The following EYS variants were observed in gnomAD, a reference collection of about 807,000 sequenced individuals.
The protein encoded by EYS is protein eyes shut homolog.
EYS carries 250 observed loss-of-function variants against 282.1 expected under a neutral mutation model. The ratio of observed to expected loss-of-function variants is 0.89; its 90% CI spans 0.80 to 0.98. The LOEUF is 0.98. Among genes scored for constraint, EYS ranks in the 50% least tolerant of loss-of-function variants. The probability of loss-of-function intolerance (pLI) is 0.00; values close to 1 mark genes in which losing one functional copy is unlikely to be tolerated. For synonymous variants in EYS, 1,355 were observed against 1,282.9 expected, an observed-to-expected ratio of 1.06 and a Z score of -1.20; for missense variants, 4,016 against 3,709.0, an observed-to-expected ratio of 1.08 and a Z score of -2.15.
chr6:65,498,996 C>G (rs74597995), intron 2 of EYS, among the ~76,000 whole-genome samples: 1,628 of 152,006 alleles, frequency 0.011, 27 homozygotes, highest in African/African-American at 0.037. Flanking sequence ...AAACCCAGAA[C>G]TACGATGGAG....
intron 12 of EYS, among the ~76,000 whole-genome samples, chr6:65,074,796 A>T (rs1218255321): frequency 6.6e-6 from 1 of 152,012 alleles, no homozygotes; most frequent in African/African-American, 2.4e-5. Flanking sequence ...AGGTAAAGAC[A>T]GGCCTCTGTT....
chr6:64,634,181 C>T (rs1767889146), intron 22 of EYS, among the ~76,000 whole-genome samples: 2 of 152,116 alleles, frequency 1.3e-5, no homozygotes, highest in Non-Finnish European at 1.5e-5. Context: ...ACAGGGTTTA[C>T]CCATGTTGGC....
intron 2 of EYS, among the ~76,000 whole-genome samples, chr6:65,521,026 A>G (rs561433934): frequency 6.6e-6 from 1 of 152,184 alleles, no homozygotes; most frequent in Non-Finnish European, 1.5e-5. Flanking sequence ...TGCTGTTTGC[A>G]AGGTTGACAC....
chr6:63,850,410 T>C (rs930184318), intron 36 of EYS, among the ~76,000 whole-genome samples: 2 of 151,104 alleles, frequency 1.3e-5, no homozygotes, highest in African/African-American at 4.9e-5. Context: ...GGAAAAAAAA[T>C]GTTAAGGGCA....
intron 31 of EYS, among the ~76,000 whole-genome samples, chr6:64,224,269 GC>G (rs1277021114): frequency 6.6e-6 from 1 of 151,604 alleles, no homozygotes; most frequent in Non-Finnish European, 1.5e-5. Flanking sequence ...CTATTTTTTG[GC>G]CTGTTGTAAT....
chr6:65,501,584 C>T (rs900574098), intron 2 of EYS, among the ~76,000 whole-genome samples: 1 of 151,768 alleles, frequency 6.6e-6, no homozygotes, highest in African/African-American at 2.4e-5. Context: ...AAGAATGACA[C>T]TTGGTAACTC....
chr6:64,373,401 G>A (rs1468081969), intron 29 of EYS, among the ~76,000 whole-genome samples: 1 of 152,168 alleles, frequency 6.6e-6, no homozygotes, highest in Non-Finnish European at 1.5e-5. Context: ...CTTCAGGCAG[G>A]GGCTGCTGTT....
At chr6:64,686,765 GTGTATA>G (rs1238869000) in intron 22 of EYS, among the ~76,000 whole-genome samples, 1 of 12,946 alleles carries the variant, frequency 7.7e-5, no homozygotes, top group Non-Finnish European at 3.1e-4. Context: ...ATATATATGT[GTGTATA>G]TATATATATA....
chr6:64,371,152 A>T (rs1197621327), intron 29 of EYS, among the ~76,000 whole-genome samples: 1 of 152,070 alleles, frequency 6.6e-6, no homozygotes, highest in Non-Finnish European at 1.5e-5. Context: ...GTAAGTGTTT[A>T]GTGCTATAAG....
Position 65,639,795 on chromosome 6 carries a change from C to T in EYS, c.-350G>A, listed in dbSNP as rs886061687. On this transcript the variant is annotated 5_prime_UTR_variant, in exon 2 of 43. Coordinates refer to ENST00000503581, the MANE Select transcript of EYS (RefSeq NM_001142800.2). ...ATCCTTACCTCAAGTACACAGGTTC[C>T]GTTGCTGTTTGAGATCAGTGTTTTA... is the stretch of plus-strand genomic sequence containing the variant. 9.2e-5 allele frequency: 14 copies of T among 152,030 alleles called. No individual in the cohort carries two copies. Among genetic ancestry groups the T allele is most frequent in the Non-Finnish European group, 1.9e-4 (13 of 67,996 alleles). The allele number at this position is 152,030 out of a possible 1,614,324, so 9.4% of individuals were successfully genotyped here.
chr6:64,483,975 T>G (rs2150501297), intron 26 of EYS, among the ~76,000 whole-genome samples: 1 of 151,748 alleles, frequency 6.6e-6, no homozygotes, highest in Admixed American at 6.6e-5. Flanking sequence ...CTTTTGTAGG[T>G]GGGCATTAAG....
chr6:65,029,708 G>A (rs1200677836), intron 13 of EYS, among the ~76,000 whole-genome samples: 2 of 152,104 alleles, frequency 1.3e-5, no homozygotes, highest in African/African-American at 2.4e-5. Context: ...CCTACTAAAT[G>A]CAGATAGGAA....
intron 12 of EYS, among the ~76,000 whole-genome samples, chr6:65,092,996 T>C (rs1774620317): frequency 6.6e-6 from 1 of 152,104 alleles, no homozygotes; most frequent in Admixed American, 6.6e-5. Flanking sequence ...CATTGATGCA[T>C]TATCATCAAA....
chr6:65,205,121 A>C (rs1251199384), intron 12 of EYS, among the ~76,000 whole-genome samples: 1 of 148,066 alleles, frequency 6.8e-6, no homozygotes, highest in African/African-American at 2.5e-5. Flanking sequence ...ATATATATAT[A>C]TCTATCTCCA....
Position 64,452,928 on chromosome 6 carries a change from C to T in EYS, c.5645-13576G>A, listed in dbSNP as rs566489061. Among the ~76,000 whole-genome samples, 9 of 152,228 alleles carry T rather than the reference C, an allele frequency of 5.9e-5. No homozygotes were observed. The South Asian group carries it at 1.7e-3, about 28-fold the overall frequency. On this transcript the variant is annotated intron_variant, in intron 26 of 42. Coordinates refer to ENST00000503581, the MANE Select transcript of EYS (RefSeq NM_001142800.2). ...ACCCTATAAGAAAACCTAGGCAATA[C>T]CATTCAGGACATAGGCATGGGCAAG...
intron 34 of EYS, among the ~76,000 whole-genome samples, chr6:63,986,371 T>G (rs922354205): frequency 6.6e-6 from 1 of 151,816 alleles, no homozygotes; most frequent in Non-Finnish European, 1.5e-5. Context: ...TGGTGATTCC[T>G]CAAAGAGCTA....
chr6:64,742,047 A>G (rs1473602109), intron 22 of EYS, among the ~76,000 whole-genome samples: 1 of 152,078 alleles, frequency 6.6e-6, no homozygotes, highest in Non-Finnish European at 1.5e-5. Flanking sequence ...GCCTGTCTTG[A>G]CTTTCCATAT....
rs990096748 is a variant in EYS, at chr6:64,504,976, T to C, written c.5645-65624A>G. Among the ~76,000 whole-genome samples the C allele has an allele frequency of 4.6e-5, 7 of 152,204 alleles. No homozygotes were observed. In the East Asian group the frequency reaches 9.7e-4, roughly 21 times the overall value. On this transcript the variant is annotated intron_variant, in intron 26 of 42. Transcript: ENST00000503581. ...TGGTCAGATTTATGAGATGAACTGT[T>C]TGTGAATTTTATAATGGAATAGACT...
intron 11 of EYS, among the ~76,000 whole-genome samples, chr6:65,333,625 G>T (rs544127954): frequency 6.6e-6 from 1 of 151,498 alleles, no homozygotes; most frequent in South Asian, 2.1e-4. Context: ...GCTATTGAAA[G>T]TAGAATATTA....
Sources: gnomAD v4.1 joint callset for allele counts (sites outside exome capture counted in the v4.1 genomes callset) on GRCh38, gnomAD v4.1.1 for gene constraint, MANE v1.5 for transcripts, NCBI Gene and HGNC (gene_info 2026-07-23, HGNC 2026-07-21) for gene names.